The following CEACAM5 variants were observed in gnomAD, a reference collection of about 807,000 sequenced individuals.
The protein encoded by CEACAM5 is CEA cell adhesion molecule 5.
Under a neutral mutation model 63.0 loss-of-function variants are expected in CEACAM5, and 52 were observed. The ratio of observed to expected loss-of-function variants is 0.83; its 90% CI spans 0.66 to 1.04. The LOEUF (loss-of-function observed/expected upper bound fraction) is 1.04, where lower values mean the gene tolerates loss of function less well. CEACAM5 is among the 50% of genes least tolerant of loss of function. The probability of loss-of-function intolerance (pLI) is 0.00; values close to 1 mark genes in which losing one functional copy is unlikely to be tolerated. For missense variants in CEACAM5, 790 were observed against 864.8 expected (o/e 0.91, Z 1.08); for synonymous variants, 357 against 351.3 (o/e 1.02, Z -0.18).
At chr19:41,717,908 G>GGGA (rs1390485727) in intron 5 of CEACAM5, among the ~76,000 whole-genome samples, 175 bp downstream of exon 5, 2 of 152,198 alleles carry the variant, frequency 1.3e-5, no homozygotes, top group Non-Finnish European at 2.9e-5. Flanking sequence ...AGAATAGGAG[G>GGGA]GGAGGGTCTG....
chr19:41,717,392 T>G, intron 4 of CEACAM5, 63 bp from the exon 5 acceptor site: 1 of 1,551,060 alleles, frequency 6.4e-7, no homozygotes. Context: ...CTCTGATTGA[T>G]AGATGCCCGT....
Position 41,715,267 on chromosome 19 carries a change from T to G in CEACAM5, c.703+18T>G, listed in dbSNP as rs782718819. 1 of 1,614,174 alleles carries G rather than the reference T, an allele frequency of 6.2e-7. No homozygotes were observed. Among genetic ancestry groups the G allele is most frequent in the Non-Finnish European group, 8.5e-7 (1 of 1,180,034 alleles). On this transcript the variant is annotated intron_variant, in intron 3 of 9. Transcript: ENST00000221992. ...TGTCCTCTGTGAGTATATCTGCTCC[T>G]CTCTGGCCCAGGCTGCCAGCCCAAA...
chr19:41,724,487 T>C (rs2072670301), intron 8 of CEACAM5, among the ~76,000 whole-genome samples: 1 of 152,228 alleles, frequency 6.6e-6, no homozygotes, highest in African/African-American at 2.4e-5. Flanking sequence ...GGATATGTTT[T>C]TCTATTTCTG....
At chr19:41,727,392 G>GTCAGCAC in intron 9 of CEACAM5, 40 bp downstream of exon 9, 3 of 1,006,108 alleles carry the variant, frequency 3.0e-6, no homozygotes, top group Non-Finnish European at 4.6e-6. Context: ...GTTTCCTGCA[G>GTCAGCAC]TGCTGACTGC....
chr19:41,719,946 C>G lies in CEACAM5; in HGVS notation c.1509C>G (p.Pro503=). 3 of 1,614,208 alleles carry G rather than the reference C, an allele frequency of 1.9e-6. No individual in the cohort carries two copies. Among genetic ancestry groups the G allele is most frequent in the Non-Finnish European group, 2.5e-6 (3 of 1,180,046 alleles). Reference sequence around the variant, plus strand: ...TCTGCACAGCGGAGCTGCCCAAGCCCTCCATCTCCAGCAACAACTCCAAAC... The same window carrying G: ...TCTGCACAGCGGAGCTGCCCAAGCCGTCCATCTCCAGCAACAACTCCAAAC... ...TITVSAELPK[P]SISSNNSKPV... is the part of the protein sequence containing the mutation. The change falls in exon 7 of 10, where the codon CCC becomes CCG. Residue 503 remains proline (P), a synonymous_variant. Transcript: ENST00000221992.
rs782279439 is a variant in CEACAM5 at position 41,727,268 on chromosome 19, C to T, written c.2061C>T (p.Ala687=). The T allele has an allele frequency of 6.8e-6, 11 of 1,614,098 alleles. No homozygotes were observed. Among genetic ancestry groups the T allele is most frequent in the Non-Finnish European group, 9.3e-6 (11 of 1,179,958 alleles). The change falls in exon 9 of 10, where the codon GCC becomes GCT. Residue 687 remains alanine, a synonymous_variant. Transcript: ENST00000221992. ...SGTSPGLSAG[A]TVGIMIGVLV... is the part of the protein sequence containing the mutation. ...CTTCTCCTGGTCTCTCAGCTGGGGC[C>T]ACTGTCGGCATCATGATTGGAGTGC... is the stretch of plus-strand genomic sequence containing the variant.
At chr19:41,715,944 T>C (rs565665715) in intron 4 of CEACAM5, 40 bp downstream of exon 4, 2 of 1,596,686 alleles carry the variant, frequency 1.3e-6, no homozygotes, top group South Asian at 2.2e-5. Context: ...TGTTTTGAGG[T>C]GGAGTCTGTC....
chr19:41,726,140 G>A (rs2072696953), intron 8 of CEACAM5, among the ~76,000 whole-genome samples: 1 of 152,166 alleles, frequency 6.6e-6, no homozygotes, highest in South Asian at 2.1e-4. Context: ...TACACACAGA[G>A]GGAAACTTCA....
chr19:41,726,365 G>A (rs551531746), intron 8 of CEACAM5, among the ~76,000 whole-genome samples: 3 of 152,290 alleles, frequency 2.0e-5, no homozygotes, highest in African/African-American at 7.2e-5. Flanking sequence ...AGCATTTACA[G>A]TAGCTAACAT....
rs924326217 is a variant in CEACAM5, at chr19:41,720,162, C to T, written c.1725C>T (p.Asn575=). 7.4e-6 allele frequency: 12 copies of T among 1,614,266 alleles called. No individual in the cohort carries two copies. Among genetic ancestry groups the T allele is most frequent in the African/African-American group, 1.3e-5 (1 of 75,068 alleles). The change falls in exon 7 of 10, where the codon AAC becomes AAT. Residue 575 remains asparagine (N), a synonymous_variant. Coordinates refer to ENST00000221992, the MANE Select transcript of CEACAM5 (RefSeq NM_004363.6). ...GAGCCTATGTATGTGGAATCCAGAACTCAGTGAGTGCAAACCGCAGTGACC... is the reference window on the plus strand; with the variant it reads ...GAGCCTATGTATGTGGAATCCAGAATTCAGTGAGTGCAAACCGCAGTGACC... The part of the protein sequence containing the change: ...DARAYVCGIQ[N]SVSANRSDPV...
chr19:41,730,396 T>C lies in CEACAM5; in HGVS notation c.*1249T>C, dbSNP rs1273805628. 7.0e-6 allele frequency among the ~76,000 whole-genome samples: 1 copy of C among 143,806 alleles called. No individual in the cohort carries two copies. Among genetic ancestry groups the C allele is most frequent in the Non-Finnish European group, 1.5e-5 (1 of 67,050 alleles). The allele number at this position is 143,806 out of a possible 152,430, so 94.3% of individuals were successfully genotyped here. On this transcript the variant is annotated 3_prime_UTR_variant, in exon 10 of 10. Transcript: ENST00000221992. Reference sequence around the variant, plus strand: ...AAGATCATGCCGCTGCACTCCAGCCTGGGAGACAAAGTGAGACTCCGTCAA... The same window carrying C: ...AAGATCATGCCGCTGCACTCCAGCCCGGGAGACAAAGTGAGACTCCGTCAA...
intron 8 of CEACAM5, among the ~76,000 whole-genome samples, chr19:41,721,872 C>T (rs986092359): frequency 6.6e-6 from 1 of 152,200 alleles, no homozygotes; most frequent in Non-Finnish European, 1.5e-5. Context: ...AAGTCACTGG[C>T]TGTATGAGGC....
At chr19:41,709,539 C>CACACAA in intron 1 of CEACAM5, 141 bp from the exon 2 acceptor site, 3 of 368,286 alleles carry the variant, frequency 8.1e-6, no homozygotes, top group Non-Finnish European at 4.1e-6. Context: ...CCTAGTAGGA[C>CACACAA]ACACACACAC....
At chr19:41,721,430 A>G (rs80192204) in intron 8 of CEACAM5, among the ~76,000 whole-genome samples, 21 of 152,370 alleles carry the variant, frequency 1.4e-4, no homozygotes, top group East Asian at 7.7e-4. Flanking sequence ...AAGGCCCCCA[A>G]TAGTGAAAGG....
chr19:41,711,094 G>T (rs2072428675), intron 2 of CEACAM5, among the ~76,000 whole-genome samples: 1 of 152,206 alleles, frequency 6.6e-6, no homozygotes, highest in African/African-American at 2.4e-5. Context: ...TCTGAGACCA[G>T]TCATGGGCTT....
intron 2 of CEACAM5, 76 bp from the exon 3 acceptor site, chr19:41,714,895 C>A: frequency 6.2e-7 from 1 of 1,601,170 alleles, no homozygotes; most frequent in Non-Finnish European, 8.5e-7. Context: ...GTGGAAGGTG[C>A]CAACTCTGAT....
chr19:41,719,819 T>C, intron 6 of CEACAM5, 111 bp from the exon 7 acceptor site: 1 of 1,555,234 alleles, frequency 6.4e-7, no homozygotes, highest in Non-Finnish European at 8.7e-7. Context: ...GCCATGGGCT[T>C]TTAAGGACTC....
At chr19:41,709,057 C>T (rs1168967813) in intron 1 of CEACAM5, among the ~76,000 whole-genome samples, 1 of 152,262 alleles carries the variant, frequency 6.6e-6, no homozygotes, top group Non-Finnish European at 1.5e-5. Context: ...TCAGATGACA[C>T]TTTAAATAAA....
intron 2 of CEACAM5, among the ~76,000 whole-genome samples, chr19:41,712,813 T>C (rs1451058015): frequency 1.3e-5 from 2 of 152,246 alleles, no homozygotes; most frequent in East Asian, 1.9e-4. Context: ...TTTCCACTTA[T>C]GGAAAAAATT....
Sources: allele counts gnomAD v4.1 joint callset (sites outside exome capture counted in the v4.1 genomes callset), GRCh38; gene constraint gnomAD v4.1.1; transcripts MANE v1.5; gene names NCBI Gene and HGNC (gene_info 2026-07-23, HGNC 2026-07-21).